Variants in IMPG2 observed in about 807,000 individuals in gnomAD.
The protein encoded by IMPG2 is IPM 200.
Under a neutral mutation model 129.2 loss-of-function variants are expected in IMPG2, and 91 were observed. That is an observed-to-expected ratio of 0.70 (90% CI 0.59 to 0.84). IMPG2 has a LOEUF of 0.84. IMPG2 is among the 40% of genes least tolerant of loss of function. The pLI is 0.00. For synonymous variants in IMPG2, 510 were observed against 517.7 expected (o/e 0.99, Z 0.20); for missense variants, 1,430 against 1,461.7 (o/e 0.98, Z 0.35).
intron 4 of IMPG2, among the ~76,000 whole-genome samples, chr3:101,283,148 G>A (rs531815039): frequency 6.6e-5 from 10 of 152,020 alleles, no homozygotes; most frequent in Admixed American, 1.3e-4. Flanking sequence ...TTAGCCTCCC[G>A]AGCAGTCAGG....
At chr3:101,229,641 G>A in intron 16 of IMPG2, 51 bp from the exon 17 acceptor site, 6 of 1,481,266 alleles carry the variant, frequency 4.1e-6, no homozygotes, top group Non-Finnish European at 5.6e-6. Context: ...GCTCAACTAT[G>A]TGGAAGACTA....
intron 7 of IMPG2, among the ~76,000 whole-genome samples, chr3:101,270,496 A>G (rs1174259649): frequency 6.6e-6 from 1 of 152,112 alleles, no homozygotes; most frequent in African/African-American, 2.4e-5. Flanking sequence ...TGTAACTCCA[A>G]ATGAGCTTAG....
intron 3 of IMPG2, among the ~76,000 whole-genome samples, chr3:101,296,698 A>ATTT (rs60904070): frequency 6.7e-6 from 1 of 149,908 alleles, no homozygotes; most frequent in South Asian, 2.1e-4. Flanking sequence ...TGGTCCCAGG[A>ATTT]TTTTTTTTTT....
At chr3:101,301,112 G>C (rs1707135855) in intron 3 of IMPG2, among the ~76,000 whole-genome samples, 2 of 152,184 alleles carry the variant, frequency 1.3e-5, no homozygotes. Context: ...CGGTGGAGTT[G>C]TTGAAACACA....
In IMPG2 at chr3:101,319,796, G is replaced by A. The variant is rs1016423411; in HGVS notation, c.122C>T (p.Pro41Leu). 11 of 1,612,930 alleles carry A rather than the reference G, an allele frequency of 6.8e-6. No homozygotes were observed. Among genetic ancestry groups the A allele is most frequent in the Admixed American group, 3.3e-5 (2 of 59,860 alleles). ...TYLSIEEIQE[P>L]KSAVSFLLPE... ...CAGGAGAAAAGAAACTGCACTCTTG[G>A]GTTCTTGGATCTCCTCTATAGATAA... Residue 41 changes from proline to leucine, a missense_variant, in exon 2 of 19, where the codon CCC (proline) becomes CTC (leucine). Coordinates refer to ENST00000193391, the MANE Select transcript of IMPG2 (RefSeq NM_016247.4).
At chr3:101,286,631 T>C (rs1240089499) in intron 4 of IMPG2, among the ~76,000 whole-genome samples, 1 of 152,240 alleles carries the variant, frequency 6.6e-6, no homozygotes, top group African/African-American at 2.4e-5. Flanking sequence ...TCACACTATA[T>C]ATGCCTCGCA....
intron 3 of IMPG2, among the ~76,000 whole-genome samples, chr3:101,300,424 C>T (rs1468316265): frequency 6.6e-6 from 1 of 152,206 alleles, no homozygotes; most frequent in African/African-American, 2.4e-5. Flanking sequence ...TGCTGGTTGC[C>T]CCTCCCGCGG....
chr3:101,246,388 A>AT (rs199542898), intron 11 of IMPG2, among the ~76,000 whole-genome samples: 3,441 of 152,070 alleles, frequency 0.023, 122 homozygotes, highest in African/African-American at 0.079. Flanking sequence ...GTGAGAGAAA[A>AT]TTTTTTTTGC....
Position 101,255,998 on chromosome 3 carries a change from G to A in IMPG2, c.1153+1531C>T, listed in dbSNP as rs140086271. Among the ~76,000 whole-genome samples, 509 of 150,310 alleles carry A rather than the reference G, an allele frequency of 3.4e-3. 6 individuals carry two copies. The highest frequency in any genetic ancestry group is 0.012 in the African/African-American group (488 of 40,670). ...AGCAGAGTGTCACATTAAAAAAAAC[G>A]TTAGTCCAGCAGCCAAAATAGTTGA... On this transcript the variant is annotated intron_variant, in intron 10 of 18. Coordinates refer to ENST00000193391, the MANE Select transcript of IMPG2 (RefSeq NM_016247.4).
chr3:101,237,545 G>A (rs978472790), intron 14 of IMPG2, among the ~76,000 whole-genome samples: 2 of 152,256 alleles, frequency 1.3e-5, no homozygotes, highest in East Asian at 1.9e-4. Flanking sequence ...TTGCTGTTCC[G>A]CAGCCTCCAT....
intron 11 of IMPG2, among the ~76,000 whole-genome samples, chr3:101,251,696 C>A (rs1706545365): frequency 6.6e-6 from 1 of 152,030 alleles, no homozygotes; most frequent in African/African-American, 2.4e-5. Flanking sequence ...ACATTCCTAG[C>A]TCTAAAATAA....
chr3:101,297,172 T>C (rs1347747986), intron 3 of IMPG2, among the ~76,000 whole-genome samples: 1 of 152,168 alleles, frequency 6.6e-6, no homozygotes, highest in Non-Finnish European at 1.5e-5. Flanking sequence ...CCTCCCAAAG[T>C]GCTGGGATTA....
chr3:101,261,753 A>C (rs906866179), intron 9 of IMPG2, among the ~76,000 whole-genome samples: 1 of 152,110 alleles, frequency 6.6e-6, no homozygotes, highest in Admixed American at 6.6e-5. Flanking sequence ...TGGCATAGTA[A>C]TGGGGTACAA....
chr3:101,300,736 C>T (rs1025359452), intron 3 of IMPG2, among the ~76,000 whole-genome samples: 1 of 152,354 alleles, frequency 6.6e-6, no homozygotes, highest in Admixed American at 6.5e-5. Context: ...GCAGGATTCA[C>T]ATGCTGTTAT....
Position 101,245,887 on chromosome 3 carries a change from A to C in IMPG2, c.1458T>G (p.Leu486=), listed in dbSNP as rs759662477. The change falls in exon 12 of 19, where the codon CTT becomes CTG. Residue 486 remains leucine (L), a synonymous_variant. Transcript: ENST00000193391. ...PEVLEVSSLT[L]HSVTPAVLQT... is the part of the protein sequence containing the mutation. ...GAAGCACTGCCGGGGTGACAGAATG[A>C]AGAGTCAAGCTGCTAACCTCTAAAA... 1.9e-6 allele frequency: 3 copies of C among 1,614,228 alleles called. No homozygotes were observed. In the East Asian group the frequency reaches 6.7e-5, roughly 36 times the overall value.
intron 3 of IMPG2, among the ~76,000 whole-genome samples, chr3:101,300,433 G>A (rs1041396225): frequency 5.3e-5 from 8 of 152,224 alleles, no homozygotes; most frequent in African/African-American, 7.2e-5. Context: ...CCCCTCCCGC[G>A]GGGAGCTCCG....
chr3:101,280,877 A>AG (rs1435187904), intron 4 of IMPG2, among the ~76,000 whole-genome samples: 5 of 152,042 alleles, frequency 3.3e-5, no homozygotes, highest in African/African-American at 1.2e-4. Flanking sequence ...TGAACGTCAG[A>AG]GGTGGAGGTT....
At position 101,256,145 on chromosome 3, in the gene IMPG2, AAAAGAAAGAAAGAAAGAAAG is replaced by A. The variant is rs57933330; in HGVS notation, c.1153+1364_1153+1383del. On this transcript the variant is annotated intron_variant, in intron 10 of 18. Coordinates refer to ENST00000193391, the MANE Select transcript of IMPG2 (RefSeq NM_016247.4). ...GAAAGAGAGAAAGAAAGAAAGAAAGAAAAGAAAGAAAGAAAGAAAGAAAGAAAGAAAGAAAGAAAGAAAGA... is the reference window on the plus strand; with the variant it reads ...GAAAGAGAGAAAGAAAGAAAGAAAGAAAAGAAAGAAAGAAAGAAAGAAAGA... Among the ~76,000 whole-genome samples the A allele has an allele frequency of 9.7e-3, 749 of 77,564 alleles. 3 individuals are homozygous for A. Among genetic ancestry groups the A allele is most frequent in the Middle Eastern group, 0.013 (2 of 160 alleles). 50.9% of individuals were successfully genotyped at this position (77,564 alleles called of 152,430 possible).
intron 7 of IMPG2, among the ~76,000 whole-genome samples, chr3:101,270,157 G>A (rs1243192351): frequency 2.0e-5 from 3 of 151,684 alleles, no homozygotes; most frequent in East Asian, 1.9e-4. Context: ...GGCTGGTCTC[G>A]AATTCCTGAC....
Sources: allele counts gnomAD v4.1 joint callset (sites outside exome capture counted in the v4.1 genomes callset), GRCh38; gene constraint gnomAD v4.1.1; transcripts MANE v1.5; gene names NCBI Gene and HGNC (gene_info 2026-07-23, HGNC 2026-07-21).